The following HACD1 variants were observed in gnomAD, a reference collection of about 807,000 sequenced individuals.
HACD1 encodes very-long-chain (3R)-3-hydroxyacyl-CoA dehydratase 1.
HACD1 carries 41 observed loss-of-function variants against 32.0 expected under a neutral mutation model. The observed-to-expected ratio is 1.28, with a 90% confidence interval of 1.00 to 1.66. HACD1 has a LOEUF of 1.66. Among genes scored for constraint, HACD1 ranks in the 40% most tolerant of loss-of-function variants. The pLI is 0.00. For missense variants in HACD1, 396 were observed against 380.1 expected (o/e 1.04, Z -0.35); for synonymous variants, 142 against 139.0 (o/e 1.02, Z -0.15).
At chr10:17,601,036 CT>C (rs1167513592) in intron 4 of HACD1, among the ~76,000 whole-genome samples, 620 of 140,914 alleles carry the variant, frequency 4.4e-3, no homozygotes, top group African/African-American at 6.6e-3. Context: ...TTGCCTTGTT[CT>C]TTTTTTTTTT....
intron 4 of HACD1, 90 bp downstream of exon 4, chr10:17,603,470 C>G: frequency 8.2e-7 from 1 of 1,218,190 alleles, no homozygotes; most frequent in Non-Finnish European, 1.2e-6. Context: ...ACTTCCACCT[C>G]CTGAAATATA....
intron 1 of HACD1, among the ~76,000 whole-genome samples, chr10:17,608,537 C>T (rs544148619): frequency 6.6e-6 from 1 of 152,096 alleles, no homozygotes; most frequent in East Asian, 1.9e-4. Context: ...TGCTCTGTCA[C>T]CCAGTCTGGT....
intron 1 of HACD1, chr10:17,615,451 A>G (rs982202127): frequency 1.9e-5 from 3 of 154,208 alleles, no homozygotes; most frequent in Non-Finnish European, 2.9e-5. Context: ...TCAATATCAT[A>G]TGCTAAGCAC....
intron 1 of HACD1, among the ~76,000 whole-genome samples, chr10:17,612,804 C>T (rs1226683853): frequency 1.3e-5 from 2 of 151,746 alleles, no homozygotes; most frequent in African/African-American, 2.4e-5. Context: ...CGCCAGTAGT[C>T]CCAGCTACTC....
chr10:17,615,852 A>G (rs778030710), intron 1 of HACD1: 1 of 431,534 alleles, frequency 2.3e-6, no homozygotes, highest in Non-Finnish European at 4.7e-6. Flanking sequence ...TTGTAGTCCC[A>G]GCTACTCCGG....
chr10:17,599,511 A>C, intron 4 of HACD1, 100 bp from the exon 5 acceptor site: 1 of 1,449,386 alleles, frequency 6.9e-7, no homozygotes, highest in Non-Finnish European at 9.1e-7. Flanking sequence ...TTATAATGGA[A>C]TGTTAGGGTT....
At chr10:17,605,373 A>C (rs1834130716) in intron 1 of HACD1, among the ~76,000 whole-genome samples, 1 of 151,642 alleles carries the variant, frequency 6.6e-6, no homozygotes, top group African/African-American at 2.4e-5. Flanking sequence ...AAAAATACGA[A>C]AATTAGCCAA....
chr10:17,613,004 T>A (rs1162421984), intron 1 of HACD1, among the ~76,000 whole-genome samples: 3 of 151,868 alleles, frequency 2.0e-5, no homozygotes, highest in Admixed American at 6.6e-5. Context: ...AATGAAAGTG[T>A]GTGATAGGCT....
intron 1 of HACD1, among the ~76,000 whole-genome samples, chr10:17,609,446 C>T (rs1834199291): frequency 6.6e-6 from 1 of 151,974 alleles, no homozygotes; most frequent in African/African-American, 2.4e-5. Flanking sequence ...AGCCACCGTG[C>T]CCAGCTAAAA....
chr10:17,610,632 CA>C (rs67149491), intron 1 of HACD1, among the ~76,000 whole-genome samples: 2,842 of 128,116 alleles, frequency 0.022, 26 homozygotes, highest in African/African-American at 0.038. Context: ...GACTCTGTCT[CA>C]AAAAAAAAAA....
chr10:17,605,976 A>T (rs1027030285), intron 1 of HACD1, among the ~76,000 whole-genome samples: 1 of 152,028 alleles, frequency 6.6e-6, no homozygotes, highest in South Asian at 2.1e-4. Context: ...AGAAAAGAAA[A>T]AAACAGCCTG....
rs797026836 is a variant in HACD1, at chr10:17,613,133, TGTGTGTGTG to T, written c.257+3941_257+3949del. Among the ~76,000 whole-genome samples the T allele has an allele frequency of 7.1e-3, 998 of 140,926 alleles. 26 individuals carry two copies. The highest frequency in any genetic ancestry group is 0.042 in the South Asian group (183 of 4,362). The allele number at this position is 140,926 out of a possible 152,430, so 92.5% of individuals were successfully genotyped here. Reference sequence around the variant, plus strand: ...GTGTGTGTGTGTGTGTGTGTGTGTGTGTGTGTGTGTGTGTTTTGTTTTTGAGATGGGGTC... The same window carrying T: ...GTGTGTGTGTGTGTGTGTGTGTGTGTTGTGTTTTGTTTTTGAGATGGGGTC... On this transcript the variant is annotated intron_variant, in intron 1 of 6. Transcript: ENST00000361271.
intron 1 of HACD1, chr10:17,615,893 G>A (rs1334287786): frequency 1.2e-5 from 5 of 418,670 alleles, no homozygotes; most frequent in African/African-American, 2.1e-5. Flanking sequence ...CTTGAACTCC[G>A]GAGGCTGAGG....
intron 1 of HACD1, among the ~76,000 whole-genome samples, chr10:17,616,791 G>C (rs1833091800): frequency 1.3e-5 from 2 of 152,092 alleles, no homozygotes; most frequent in Non-Finnish European, 2.9e-5. Context: ...AGCGGCGCCG[G>C]GGCAGCAGCC....
intron 4 of HACD1, among the ~76,000 whole-genome samples, chr10:17,601,221 A>T (rs1232602511): frequency 2.0e-5 from 3 of 151,854 alleles, no homozygotes; most frequent in Non-Finnish European, 4.4e-5. Flanking sequence ...TTTAGTAGAG[A>T]CAGGGTTTCA....
At chr10:17,616,092 C>T (rs1311112660) in intron 1 of HACD1, 1 of 159,078 alleles carries the variant, frequency 6.3e-6, no homozygotes, top group East Asian at 1.9e-4. Context: ...CATGGTGAAA[C>T]CCCGTCTCTA....
intron 1 of HACD1, among the ~76,000 whole-genome samples, chr10:17,605,232 A>G (rs1554816946): frequency 6.6e-6 from 1 of 152,006 alleles, no homozygotes; most frequent in African/African-American, 2.4e-5. Context: ...ACACTTTAAA[A>G]AGTTAAGATG....
intron 4 of HACD1, chr10:17,603,318 A>G (rs538009568): frequency 2.7e-6 from 1 of 373,010 alleles, no homozygotes; most frequent in Non-Finnish European, 4.8e-6. Flanking sequence ...CTGATTTCAA[A>G]AACTGGAAAA....
At chr10:17,609,955 C>T (rs981644337) in intron 1 of HACD1, among the ~76,000 whole-genome samples, 3 of 143,148 alleles carry the variant, frequency 2.1e-5, no homozygotes, top group Admixed American at 7.4e-5. Flanking sequence ...TGCACTCCAG[C>T]GTAGGTGGCA....
Sources: gnomAD v4.1 joint callset for allele counts (sites outside exome capture counted in the v4.1 genomes callset) on GRCh38, gnomAD v4.1.1 for gene constraint, MANE v1.5 for transcripts, NCBI Gene and HGNC (gene_info 2026-07-23, HGNC 2026-07-21) for gene names.